The following KCNAB1 variants were observed in gnomAD, a reference collection of about 807,000 sequenced individuals.
KCNAB1 encodes the protein voltage-gated potassium channel subunit beta-1.
KCNAB1 carries 35 observed loss-of-function variants against 64.6 expected under a neutral mutation model. The observed-to-expected ratio is 0.54, with a 90% confidence interval of 0.41 to 0.72. KCNAB1 has a LOEUF of 0.72. Among genes scored for constraint, KCNAB1 ranks in the 30% least tolerant of loss-of-function variants. The probability of loss-of-function intolerance (pLI) is 0.00; values close to 1 mark genes in which losing one functional copy is unlikely to be tolerated. For missense variants in KCNAB1, 401 were observed against 512.9 expected (o/e 0.78, Z 2.11); for synonymous variants, 177 against 183.8 (o/e 0.96, Z 0.30).
intron 13 of KCNAB1, 41 bp downstream of exon 13, chr3:156,531,538 G>A (rs1718701309): frequency 1.4e-6 from 2 of 1,408,006 alleles, no homozygotes; most frequent in Non-Finnish European, 2.0e-6. Context: ...GAATTTAATG[G>A]TGCCTTTGAG....
intron 1 of KCNAB1, chr3:156,215,755 G>A (rs1258372480): frequency 6.6e-6 from 1 of 152,246 alleles, no homozygotes; most frequent in Non-Finnish European, 1.5e-5. Flanking sequence ...AGGAAGAAAG[G>A]GAAGGATCAG....
intron 1 of KCNAB1, among the ~76,000 whole-genome samples, chr3:156,407,816 C>T (rs1263811297): frequency 6.6e-6 from 1 of 152,228 alleles, no homozygotes; most frequent in Admixed American, 6.5e-5. Context: ...GCAGAGCACA[C>T]AGAGCACACA....
chr3:156,532,957 G>C (rs756269564), intron 13 of KCNAB1, among the ~76,000 whole-genome samples: 2 of 152,164 alleles, frequency 1.3e-5, no homozygotes, highest in Non-Finnish European at 2.9e-5. Flanking sequence ...GTAAGAACAG[G>C]ACCTGGCCTT....
intron 7 of KCNAB1, among the ~76,000 whole-genome samples, chr3:156,470,873 C>T (rs567628056): frequency 2.6e-5 from 4 of 152,230 alleles, no homozygotes; most frequent in East Asian, 3.9e-4. Context: ...CAGTGTACTA[C>T]GTTCATGTAA....
At chr3:156,528,046 A>C (rs574567993) in intron 12 of KCNAB1, among the ~76,000 whole-genome samples, 78 of 152,298 alleles carry the variant, frequency 5.1e-4, no homozygotes, top group Non-Finnish European at 9.4e-4. Flanking sequence ...CATTAGGGGA[A>C]TCAGCTGTTG....
chr3:156,176,619 C>T, intron 1 of KCNAB1: 1 of 924,086 alleles, frequency 1.1e-6, no homozygotes, highest in Non-Finnish European at 1.8e-6. Context: ...TCACAGTCAC[C>T]ATAGACATTC....
intron 1 of KCNAB1, among the ~76,000 whole-genome samples, chr3:156,298,044 C>G (rs1203239299): frequency 6.6e-6 from 1 of 152,204 alleles, no homozygotes; most frequent in Non-Finnish European, 1.5e-5. Flanking sequence ...GCTTTCCTCT[C>G]TGCCTTAAAG....
intron 1 of KCNAB1, among the ~76,000 whole-genome samples, chr3:156,336,176 A>G (rs1037732864): frequency 2.0e-5 from 3 of 152,162 alleles, no homozygotes; most frequent in Admixed American, 6.5e-5. Flanking sequence ...CCTGGCCAAC[A>G]TGGCGAAACC....
At chr3:156,183,250 G>T (rs971632017) in intron 1 of KCNAB1, among the ~76,000 whole-genome samples, 1 of 152,054 alleles carries the variant, frequency 6.6e-6, no homozygotes, top group African/African-American at 2.4e-5. Flanking sequence ...GATCAGAAGG[G>T]TGCAGAGCCA....
chr3:156,149,787 A>T (rs1715286866), intron 1 of KCNAB1, among the ~76,000 whole-genome samples: 1 of 152,164 alleles, frequency 6.6e-6, no homozygotes, highest in Admixed American at 6.5e-5. Context: ...GTGGAAGTTG[A>T]AAATTACATT....
At chr3:156,342,279 AT>A (rs1724172318) in intron 1 of KCNAB1, among the ~76,000 whole-genome samples, 2 of 152,228 alleles carry the variant, frequency 1.3e-5, no homozygotes, top group African/African-American at 4.8e-5. Context: ...CCTGAAAGGA[AT>A]TTAGACGTTC....
At chr3:156,354,140 A>ATG (rs200761206) in intron 1 of KCNAB1, among the ~76,000 whole-genome samples, 4,172 of 141,916 alleles carry the variant, frequency 0.029, 210 homozygotes, top group African/African-American at 0.1. Flanking sequence ...ATATATATAT[A>ATG]TATGTGTATA....
chr3:156,484,075 T>G (rs1715028300), intron 8 of KCNAB1, among the ~76,000 whole-genome samples: 1 of 152,158 alleles, frequency 6.6e-6, no homozygotes, highest in African/African-American at 2.4e-5. Context: ...AGTCCTGGTT[T>G]GAAGGGAAGA....
chr3:156,514,955 G>A, intron 9 of KCNAB1, 145 bp from the exon 10 acceptor site: 3 of 689,992 alleles, frequency 4.3e-6, no homozygotes, highest in Non-Finnish European at 6.6e-6. Context: ...AATCGGTGGT[G>A]ACAAATTTGC....
At position 156,531,391 on chromosome 3, in the gene KCNAB1, A is replaced by G. The variant is rs763808159; in HGVS notation, c.1082-18A>G. ...TGGAAGTGCTTTGATAAACTGACCC[A>G]GTGTCCTCTCCTCCCAGCGTGGTGC... On this transcript the variant is annotated intron_variant, in intron 12 of 13. Transcript: ENST00000490337. The G allele has an allele frequency of 6.3e-6, 10 of 1,586,570 alleles. No homozygotes were observed. In the Admixed American group the frequency reaches 1.0e-4, roughly 16 times the overall value.
intron 13 of KCNAB1, among the ~76,000 whole-genome samples, chr3:156,532,049 C>T (rs1342079657): frequency 6.6e-6 from 1 of 152,160 alleles, no homozygotes; most frequent in African/African-American, 2.4e-5. Context: ...CTACATGTCC[C>T]TTAGTTAACA....
intron 1 of KCNAB1, among the ~76,000 whole-genome samples, chr3:156,278,957 T>TTTTA (rs757658033): frequency 1.3e-5 from 2 of 151,998 alleles, no homozygotes; most frequent in African/African-American, 4.8e-5. Context: ...TTTTATTTAT[T>TTTTA]TTTATTTATT....
Position 156,173,323 on chromosome 3 carries a change from G to A in KCNAB1, c.275+52437G>A, listed in dbSNP as rs568393781. Among the ~76,000 whole-genome samples the A allele has an allele frequency of 5.9e-5, 9 of 152,294 alleles. No homozygotes were observed. The South Asian group carries it at 1.9e-3, about 32-fold the overall frequency. The stretch of plus-strand genomic sequence containing the variant: ...ACCAGGGTGTTTCCGAGATGAGGGA[G>A]TGAGGGTGTAATAAGACAATGGGAA... On this transcript the variant is annotated intron_variant, in intron 1 of 13. Transcript: ENST00000490337.
chr3:156,176,825 CG>C, intron 1 of KCNAB1: 1 of 954,034 alleles, frequency 1.0e-6, no homozygotes, highest in Non-Finnish European at 1.7e-6. Context: ...GGCCCGATCC[CG>C]CCACTCCCAA....
Sources: allele counts gnomAD v4.1 joint callset (sites outside exome capture counted in the v4.1 genomes callset), GRCh38; gene constraint gnomAD v4.1.1; transcripts MANE v1.5; gene names NCBI Gene and HGNC (gene_info 2026-07-23, HGNC 2026-07-21).